Variants in BICRAL observed in about 807,000 individuals in gnomAD.
BICRAL encodes the protein BRD4-interacting chromatin-remodeling complex-associated protein-like.
In BICRAL, 8 loss-of-function variants were observed where a neutral mutation model predicts 91.8. That is an observed-to-expected ratio of 0.09 (90% CI 0.05 to 0.16). The LOEUF (loss-of-function observed/expected upper bound fraction) is 0.16. Among genes scored for constraint, BICRAL ranks in the 10% least tolerant of loss-of-function variants. BICRAL has a pLI of 1.00. For missense variants in BICRAL, 1,038 were observed against 1,310.9 expected, an observed-to-expected ratio of 0.79 and a Z score of 3.21; for synonymous variants, 445 against 491.1, an observed-to-expected ratio of 0.91 and a Z score of 1.24.
At chr6:42,860,503 C>T in intron 11 of BICRAL, 147 bp downstream of exon 11, 1 of 555,050 alleles carries the variant, frequency 1.8e-6, no homozygotes, top group South Asian at 2.1e-5. Flanking sequence ...TTAGCTGCTA[C>T]TACAAAAACA....
intron 1 of BICRAL, among the ~76,000 whole-genome samples, chr6:42,764,925 C>T (rs1762609632): frequency 6.6e-6 from 1 of 152,216 alleles, no homozygotes; most frequent in South Asian, 2.1e-4. Flanking sequence ...TCCCAAAGTG[C>T]TGGGATTACA....
intron 1 of BICRAL, among the ~76,000 whole-genome samples, chr6:42,771,847 G>GA (rs527609173): frequency 4.0e-5 from 6 of 150,854 alleles, no homozygotes; most frequent in Admixed American, 1.3e-4. Context: ...AATCAGAAAA[G>GA]AAAAAAAAAT....
chr6:42,801,234 GAGCGAGACTCT>G, intron 1 of BICRAL, among the ~76,000 whole-genome samples: 1 of 145,876 alleles, frequency 6.9e-6, no homozygotes. Flanking sequence ...CTGGCTGGCA[GAGCGAGACTCT>G]GTTTAAAAAA....
At chr6:42,836,951 C>CTT (rs113754625) in intron 6 of BICRAL, among the ~76,000 whole-genome samples, 215 of 124,236 alleles carry the variant, frequency 1.7e-3, no homozygotes, top group African/African-American at 6.0e-3. Context: ...TATTTCTTTT[C>CTT]TTTTTTTTTT....
At chr6:42,852,752 C>T (rs193195679) in intron 7 of BICRAL, among the ~76,000 whole-genome samples, 1 of 151,300 alleles carries the variant, frequency 6.6e-6, no homozygotes, top group East Asian at 1.9e-4. Flanking sequence ...ACAAGCACTT[C>T]TATCTAAATT....
Position 42,788,074 on chromosome 6 carries a change from A to C in BICRAL, c.-102+5973A>C, listed in dbSNP as rs563284961. On this transcript the variant is annotated intron_variant, in intron 1 of 12. Transcript: ENST00000314073. ...ACTGTAACCCAACTAATTAAAAAAA[A>C]ATTTTTTTTATAGAGACAGGGTCTC... Among the ~76,000 whole-genome samples, 9 of 152,048 alleles carry C rather than the reference A, an allele frequency of 5.9e-5. No individual in the cohort carries two copies. The South Asian group carries it at 1.7e-3, about 28-fold the overall frequency.
At chr6:42,857,614 A>AAAAAATATATATAT in intron 10 of BICRAL, among the ~76,000 whole-genome samples, 4 of 96,242 alleles carry the variant, frequency 4.2e-5, no homozygotes, top group Non-Finnish European at 7.4e-5. Flanking sequence ...AAAAAAAAAA[A>AAAAAATATATATAT]ATATATATAT....
intron 1 of BICRAL, among the ~76,000 whole-genome samples, chr6:42,754,612 C>T (rs1439293748): frequency 6.6e-6 from 1 of 152,190 alleles, no homozygotes; most frequent in African/African-American, 2.4e-5. Flanking sequence ...CTGATCAAGG[C>T]TGGGCATGGC....
intron 1 of BICRAL, among the ~76,000 whole-genome samples, chr6:42,755,132 G>C (rs1268319739): frequency 1.3e-5 from 2 of 151,304 alleles, no homozygotes; most frequent in African/African-American, 4.9e-5. Flanking sequence ...TGTGCAGAAG[G>C]TTTGAAAACC....
chr6:42,766,458 C>T (rs1385801807), intron 1 of BICRAL, among the ~76,000 whole-genome samples: 1 of 152,180 alleles, frequency 6.6e-6, no homozygotes, highest in African/African-American at 2.4e-5. Flanking sequence ...AACTGGCTAA[C>T]TGGGGAATCC....
intron 1 of BICRAL, among the ~76,000 whole-genome samples, chr6:42,750,183 CAG>C (rs1401481899): frequency 6.7e-6 from 1 of 149,654 alleles, no homozygotes; most frequent in Non-Finnish European, 1.5e-5. Flanking sequence ...TAAATTGAGA[CAG>C]GGTCTCACTC....
intron 2 of BICRAL, among the ~76,000 whole-genome samples, chr6:42,815,984 CAAAAAAA>C (rs746928245): frequency 2.0e-4 from 8 of 39,246 alleles, no homozygotes; most frequent in South Asian, 1.1e-3. Flanking sequence ...AACTCTGTCT[CAAAAAAA>C]AAAAAAAAAA....
At chr6:42,790,968 C>T (rs1229219681) in intron 1 of BICRAL, among the ~76,000 whole-genome samples, 1 of 151,806 alleles carries the variant, frequency 6.6e-6, no homozygotes, top group African/African-American at 2.4e-5. Context: ...AAAGGAAAGC[C>T]CTGAGGTGGA....
intron 5 of BICRAL, 78 bp downstream of exon 5, chr6:42,823,081 C>T (rs912270232): frequency 1.5e-5 from 12 of 807,228 alleles, no homozygotes; most frequent in African/African-American, 3.4e-5. Context: ...CTTTAACTGC[C>T]TTTGTATCAT....
intron 1 of BICRAL, among the ~76,000 whole-genome samples, chr6:42,791,336 G>A (rs1763266910): frequency 1.3e-5 from 2 of 152,066 alleles, no homozygotes; most frequent in African/African-American, 4.8e-5. Context: ...TTCTGTTTTT[G>A]TGGGTTATTT....
intron 1 of BICRAL, among the ~76,000 whole-genome samples, chr6:42,790,577 C>T (rs1763243754): frequency 6.6e-6 from 1 of 150,946 alleles, no homozygotes; most frequent in Non-Finnish European, 1.5e-5. Context: ...TGCTGTCATT[C>T]CCTTTTTCAT....
rs749537903 is a variant in BICRAL, at chr6:42,865,371, C to T, written c.3165C>T (p.Ile1055=). The T allele has an allele frequency of 8.1e-6, 13 of 1,613,232 alleles. No homozygotes were observed. The East Asian group carries it at 2.7e-4, about 33-fold the overall frequency. The change falls in exon 13 of 13, where the codon ATC becomes ATT. Residue 1055 remains isoleucine (I), a synonymous_variant. Transcript: ENST00000314073. ...AGGAAAACTGCCTGGAAAAGTTCAT[C>T]CCGGACCACAGTGAAGGTGTTGTAG... The part of the protein sequence containing the change: ...ASQENCLEKF[I]PDHSEGVVET...
chr6:42,844,508 C>CAAAAAAAAAAAA (rs34115804), intron 6 of BICRAL, among the ~76,000 whole-genome samples: 1 of 31,438 alleles, frequency 3.2e-5, no homozygotes. Context: ...GACTCCATCT[C>CAAAAAAAAAAAA]AAAAAAAAAA....
intron 1 of BICRAL, among the ~76,000 whole-genome samples, chr6:42,808,031 G>A (rs545101199): frequency 6.6e-6 from 1 of 151,834 alleles, no homozygotes; most frequent in African/African-American, 2.4e-5. Flanking sequence ...TAAAACCTGG[G>A]TATTTTTTCA....
Sources: allele counts gnomAD v4.1 joint callset (sites outside exome capture counted in the v4.1 genomes callset), GRCh38; gene constraint gnomAD v4.1.1; transcripts MANE v1.5; gene names NCBI Gene and HGNC (gene_info 2026-07-23, HGNC 2026-07-21).